BORCS7: variants seen among roughly 807,000 people sequenced by gnomAD.
BORCS7 encodes BLOC-1 related complex subunit 7.
BORCS7 carries 20 observed loss-of-function variants against 17.5 expected under a neutral mutation model. The observed-to-expected ratio is 1.14, with a 90% CI of 0.80 to 1.66. BORCS7 has a LOEUF of 1.66. Ranked by LOEUF, BORCS7 falls within the 40% of genes most tolerant of loss-of-function variation. BORCS7 has a pLI of 0.00. For missense variants in BORCS7, 122 were observed against 129.7 expected, an observed-to-expected ratio of 0.94 and a Z score of 0.29; for synonymous variants, 57 against 49.8, an observed-to-expected ratio of 1.14 and a Z score of -0.61.
chr10:102,862,278 C>G, intron 4 of BORCS7, 98 bp downstream of exon 4: 1 of 1,132,518 alleles, frequency 8.8e-7, no homozygotes, highest in Non-Finnish European at 1.3e-6. Flanking sequence ...CCCTGGTTGA[C>G]ACCTGCCCTC....
chr10:102,854,334 C>A lies in BORCS7; in HGVS notation c.48C>A (p.Ser16=), dbSNP rs770008075. The change falls in exon 1 of 5, where the codon TCC becomes TCA. Residue 16 remains serine (S), a synonymous_variant. Coordinates refer to ENST00000339834, the MANE Select transcript of BORCS7 (RefSeq NM_001136200.2). Reference sequence around the variant, plus strand: ...AGTCTCAAGCGCGGTTCGGTCAGTCCGTGAAGGGGCTTCTCACGGAGAAGG... The same window carrying A: ...AGTCTCAAGCGCGGTTCGGTCAGTCAGTGAAGGGGCTTCTCACGGAGAAGG... ...TPESQARFGQ[S]VKGLLTEKVT... The A allele has an allele frequency of 1.6e-5, 25 of 1,598,808 alleles. No individual in the cohort carries two copies. Among genetic ancestry groups the A allele is most frequent in the Non-Finnish European group, 2.0e-5 (24 of 1,172,796 alleles).
intron 3 of BORCS7, 87 bp downstream of exon 3, chr10:102,860,628 G>T (rs769255648): frequency 3.5e-6 from 5 of 1,441,822 alleles, no homozygotes; most frequent in Non-Finnish European, 4.9e-6. Context: ...GCACTTTCCT[G>T]TGGAGGCCAG....
intron 1 of BORCS7, among the ~76,000 whole-genome samples, chr10:102,855,074 A>G (rs915103912): frequency 6.7e-6 from 1 of 149,554 alleles, no homozygotes; most frequent in African/African-American, 2.5e-5. Flanking sequence ...TTTATTTAGC[A>G]TTTTATATAT....
At position 102,862,891 on chromosome 10, in the gene BORCS7, T is replaced by G. The variant is rs777698563; in HGVS notation, c.288T>G (p.Asp96Glu). The G allele has an allele frequency of 6.2e-7, 1 of 1,610,062 alleles. No individual in the cohort carries two copies. The highest frequency in any genetic ancestry group is 8.5e-7 in the Non-Finnish European group (1 of 1,176,242). The part of the protein sequence containing the change: ...AIQKNVEQSS[D>E]LQDQLNHLLK ...TTCCTAGTGTTGAACAGTCATCGGA[T>G]CTACAGGACCAGTTGAATCATCTGT... Residue 96 changes from aspartate to glutamate, a missense_variant, in exon 5 of 5, where the codon GAT becomes GAG. Coordinates refer to ENST00000339834, the MANE Select transcript of BORCS7 (RefSeq NM_001136200.2).
chr10:102,859,470 C>G (rs1444920217), intron 1 of BORCS7, among the ~76,000 whole-genome samples: 2 of 151,372 alleles, frequency 1.3e-5, no homozygotes, highest in Non-Finnish European at 2.9e-5. Flanking sequence ...CCAGCCCTGT[C>G]TGGTCATCTT....
chr10:102,855,359 T>A (rs1334349278), intron 1 of BORCS7, among the ~76,000 whole-genome samples: 1 of 152,072 alleles, frequency 6.6e-6, no homozygotes, highest in South Asian at 2.1e-4. Context: ...GGTTTCACCA[T>A]GTTGGCCAGG....
intron 1 of BORCS7, among the ~76,000 whole-genome samples, chr10:102,857,484 A>G (rs1844446162): frequency 6.6e-6 from 1 of 152,194 alleles, no homozygotes; most frequent in Non-Finnish European, 1.5e-5. Context: ...TGGGAATGCA[A>G]AGTGGTACAG....
Position 102,863,346 on chromosome 10 carries a change from A to G in BORCS7, c.*422A>G. 1 of 150,388 alleles carries G rather than the reference A, an allele frequency of 6.6e-6. No homozygotes were observed. The highest frequency in any genetic ancestry group is 1.5e-5 in the Non-Finnish European group (1 of 67,498). 9.3% of individuals were successfully genotyped at this position (150,388 alleles called of 1,614,324 possible). The stretch of plus-strand genomic sequence containing the variant: ...TGAGATTCCATCTCCAAAAAAAAAA[A>G]AAGAAAAAAAAAAGAAAAGTTCTGT... On this transcript the variant is annotated 3_prime_UTR_variant, in exon 5 of 5. Transcript: ENST00000339834.
chr10:102,858,182 T>A lies in BORCS7; in HGVS notation c.142-2150T>A, dbSNP rs1401056444. Among the ~76,000 whole-genome samples, 458 of 74,602 alleles carry A rather than the reference T, an allele frequency of 6.1e-3. 2 individuals carry two copies. The highest frequency in any genetic ancestry group is 0.032 in the Middle Eastern group (4 of 126). The allele number at this position is 74,602 out of a possible 152,430, so 48.9% of individuals were successfully genotyped here. A position where few individuals can be genotyped will look rare whatever the true frequency, so the allele number is the denominator to read the frequency against. On this transcript the variant is annotated intron_variant, in intron 1 of 4. Transcript: ENST00000339834. ...CATGTCTCAAAAAAAAAAAAATATATATATATATAGAGAGAGAGAGCGAGC... is the reference window on the plus strand; with the variant it reads ...CATGTCTCAAAAAAAAAAAAATATAAATATATATAGAGAGAGAGAGCGAGC...
intron 1 of BORCS7, 132 bp downstream of exon 1, chr10:102,854,559 G>A (rs1439354014): frequency 7.0e-6 from 8 of 1,142,514 alleles, no homozygotes; most frequent in Non-Finnish European, 9.6e-6. Context: ...GGTCTTCTTC[G>A]CGGAGGCGCG....
chr10:102,856,044 T>G (rs761585077), intron 1 of BORCS7, among the ~76,000 whole-genome samples: 6 of 152,140 alleles, frequency 3.9e-5, no homozygotes, highest in Admixed American at 6.5e-5. Flanking sequence ...ATTACAGGCA[T>G]GAGCCACCAC....
At chr10:102,856,999 T>C (rs1307729110) in intron 1 of BORCS7, among the ~76,000 whole-genome samples, 1 of 152,178 alleles carries the variant, frequency 6.6e-6, no homozygotes, top group East Asian at 1.9e-4. Flanking sequence ...CCCACTCTAG[T>C]CCACCTGCTT....
intron 1 of BORCS7, among the ~76,000 whole-genome samples, chr10:102,858,848 C>A (rs768448690): frequency 6.6e-5 from 10 of 152,004 alleles, no homozygotes; most frequent in Non-Finnish European, 1.2e-4. Flanking sequence ...TTTGAAGTCA[C>A]GCTACCCTTT....
intron 3 of BORCS7, among the ~76,000 whole-genome samples, chr10:102,861,311 A>G (rs12241517): frequency 0.36 from 54,493 of 151,474 alleles, 9,980 homozygotes; most frequent in East Asian, 0.51. Flanking sequence ...AGATACTCAG[A>G]AGGCTGAAGC....
intron 1 of BORCS7, 142 bp downstream of exon 1, chr10:102,854,569 G>A: frequency 2.8e-6 from 3 of 1,059,644 alleles, no homozygotes; most frequent in Non-Finnish European, 2.6e-6. Context: ...GCGGAGGCGC[G>A]TGTTGCATTC....
At chr10:102,854,967 A>G (rs956237779) in intron 1 of BORCS7, among the ~76,000 whole-genome samples, 1 of 147,130 alleles carries the variant, frequency 6.8e-6, no homozygotes, top group Non-Finnish European at 1.5e-5. Flanking sequence ...TATATTATAT[A>G]TAATATATGT....
At chr10:102,862,229 G>T (rs1237557277) in intron 4 of BORCS7, 49 bp downstream of exon 4, 1 of 1,558,354 alleles carries the variant, frequency 6.4e-7, no homozygotes, top group East Asian at 2.2e-5. Context: ...GAAGCAGGCT[G>T]GGGGGATTTA....
rs1368834736 is a variant in BORCS7, at chr10:102,864,130, A to G, written c.*1206A>G. The G allele has an allele frequency of 6.6e-6, 1 of 152,154 alleles. No homozygotes were observed. Among genetic ancestry groups the G allele is most frequent in the Non-Finnish European group, 1.5e-5 (1 of 68,016 alleles). The allele number at this position is 152,154 out of a possible 1,614,324, so 9.4% of individuals were successfully genotyped here. ...CTATATTGTTGTAGTTCAGGTCTTC[A>G]TTGACTAAGAGATTGAGAGAAATCT... is the stretch of plus-strand genomic sequence containing the variant. On this transcript the variant is annotated 3_prime_UTR_variant, in exon 5 of 5. Coordinates refer to ENST00000339834, the MANE Select transcript of BORCS7 (RefSeq NM_001136200.2).
At position 102,863,928 on chromosome 10, in the gene BORCS7, T is replaced by C. The variant is rs1181489227; in HGVS notation, c.*1004T>C. 6.6e-6 allele frequency: 1 copy of C among 152,248 alleles called. No individual in the cohort carries two copies. The highest frequency in any genetic ancestry group is 1.5e-5 in the Non-Finnish European group (1 of 68,046). 9.4% of individuals were successfully genotyped at this position (152,248 alleles called of 1,614,324 possible). A position where few individuals can be genotyped will look rare whatever the true frequency, so the allele number is the denominator to read the frequency against. On this transcript the variant is annotated 3_prime_UTR_variant, in exon 5 of 5. Coordinates refer to ENST00000339834, the MANE Select transcript of BORCS7 (RefSeq NM_001136200.2). ...CTAATCATCAGCAAATTCACTTGCA[T>C]GACGTTACTGCCAAATATGAAGGCA...
Sources: gnomAD v4.1 joint callset for allele counts (sites outside exome capture counted in the v4.1 genomes callset) on GRCh38, gnomAD v4.1.1 for gene constraint, MANE v1.5 for transcripts, NCBI Gene and HGNC (gene_info 2026-07-23, HGNC 2026-07-21) for gene names.